MED16: variants seen among roughly 807,000 people sequenced by gnomAD.
MED16 encodes mediator of RNA polymerase II transcription subunit 16.
A neutral mutation model predicts 84.4 loss-of-function variants in MED16; 81 were observed. The observed-to-expected ratio is 0.96, with a 90% CI of 0.80 to 1.15. The LOEUF is 1.15. Among genes scored for constraint, MED16 ranks in the 50% most tolerant of loss-of-function variants. MED16 has a pLI of 0.00. For synonymous variants in MED16, 897 were observed against 552.2 expected, an observed-to-expected ratio of 1.62 and a Z score of -8.76; for missense variants, 1,585 against 1,245.9, an observed-to-expected ratio of 1.27 and a Z score of -4.10.
chr19:870,169 G>A (rs1289707201), intron 13 of MED16, among the ~76,000 whole-genome samples: 1 of 152,214 alleles, frequency 6.6e-6, no homozygotes, highest in Non-Finnish European at 1.5e-5. Context: ...CATCCACAGA[G>A]GGATCTACGG....
chr19:877,290 A>G, intron 8 of MED16, 110 bp from the exon 9 acceptor site: 1 of 1,030,526 alleles, frequency 9.7e-7, no homozygotes, highest in Non-Finnish European at 1.4e-6. Flanking sequence ...GTGTGCGCGC[A>G]CGCCCGTGTG....
At chr19:869,392 G>T (rs2035994096) in intron 13 of MED16, among the ~76,000 whole-genome samples, 1 of 151,656 alleles carries the variant, frequency 6.6e-6, no homozygotes, top group Admixed American at 6.6e-5. Context: ...ACAAGATTCT[G>T]GTGGCAAAAG....
chr19:871,379 T>G, intron 12 of MED16, 126 bp from the exon 13 acceptor site: 1 of 1,317,554 alleles, frequency 7.6e-7, no homozygotes, highest in Admixed American at 2.4e-5. Flanking sequence ...TCTGCCTGGC[T>G]GGGTGACCCC....
rs758121169 is a variant in MED16, at chr19:868,221, G to A, written c.2514C>T (p.Cys838=). 1.9e-4 allele frequency: 299 copies of A among 1,599,608 alleles called. 6 individuals are homozygous for A. The South Asian group carries it at 2.7e-3, about 14-fold the overall frequency. The change falls in exon 16 of 16, where the codon TGC becomes TGT. Residue 838 remains cysteine, a synonymous_variant. Coordinates refer to ENST00000325464, the MANE Select transcript of MED16 (RefSeq NM_005481.3). ...CTTCCTCAGAAGCTCTGCTGGTCAC[G>A]CAGGCGTCCGGCCCACGGCCTTCAA... ...LAVEGRGPDA[C]VTSRASEEAP...
Position 868,224 on chromosome 19 carries a change from G to A in MED16, c.2511C>T (p.Ala837=), listed in dbSNP as rs202171261. The part of the protein sequence containing the change: ...CLAVEGRGPD[A]CVTSRASEEA... ...CCTCAGAAGCTCTGCTGGTCACGCA[G>A]GCGTCCGGCCCACGGCCTTCAACAG... Residue 837 remains alanine (A), a synonymous_variant, in exon 16 of 16, where the codon GCC becomes GCT. Coordinates refer to ENST00000325464, the MANE Select transcript of MED16 (RefSeq NM_005481.3). 41 of 1,599,862 alleles carry A rather than the reference G, an allele frequency of 2.6e-5. No individual in the cohort carries two copies. The East Asian group carries it at 8.1e-4, about 32-fold the overall frequency.
intron 4 of MED16, 43 bp downstream of exon 4, chr19:889,595 A>G: frequency 6.4e-7 from 1 of 1,567,260 alleles, no homozygotes; most frequent in African/African-American, 1.3e-5. Flanking sequence ...GGGTAGGGTG[A>G]CATCTCATCT....
intron 5 of MED16, 48 bp downstream of exon 5, chr19:885,722 G>A (rs2036511669): frequency 1.9e-6 from 3 of 1,581,320 alleles, no homozygotes; most frequent in Non-Finnish European, 2.6e-6. Flanking sequence ...GAGAAGCAGT[G>A]CTTCATTCCA....
At chr19:875,217 A>AG in intron 10 of MED16, 27 bp downstream of exon 10, 7 of 1,464,786 alleles carry the variant, frequency 4.8e-6, no homozygotes, top group Non-Finnish European at 6.5e-6. Context: ...AGAAACCTCG[A>AG]GGCCCCGGGC....
intron 13 of MED16, among the ~76,000 whole-genome samples, chr19:869,459 C>T (rs2035995625): frequency 6.6e-6 from 1 of 152,168 alleles, no homozygotes; most frequent in Non-Finnish European, 1.5e-5. Flanking sequence ...CCGGCTTATT[C>T]TGCTCTCATT....
At chr19:891,233 A>C in intron 1 of MED16, 84 bp from the exon 2 acceptor site, 1 of 1,341,550 alleles carries the variant, frequency 7.5e-7, no homozygotes, top group South Asian at 1.4e-5. Context: ...TGGGAAAACA[A>C]TGGAGGCCCG....
rs1040012578 is a variant in MED16 at position 873,688 on chromosome 19, A to C, written c.1772-106T>G. ...CTGCACTGAGTGCCCACCCAGTACC[A>C]GGACACAAGGGGACCCACACCGGGA... On this transcript the variant is annotated intron_variant, in intron 10 of 15. Transcript: ENST00000325464. 11 of 1,314,148 alleles carry C rather than the reference A, an allele frequency of 8.4e-6. No homozygotes were observed. The Admixed American group carries it at 2.0e-4, about 24-fold the overall frequency. 81.4% of individuals were successfully genotyped at this position (1,314,148 alleles called of 1,614,324 possible). A position where few individuals can be genotyped will look rare whatever the true frequency, so the allele number is the denominator to read the frequency against.
chr19:877,168 G>A lies in MED16; in HGVS notation c.1366C>T (p.Arg456Cys), dbSNP rs763166625. Residue 456 changes from arginine (R) to cysteine (C), a missense_variant, in exon 9 of 16, where the codon CGC becomes TGC. By Grantham distance (180) the Arg-to-Cys change is radical. Transcript: ENST00000325464. ...IDSHGKLSVL[R>C]LSPSMGHPLE... is the part of the protein sequence containing the mutation. The stretch of plus-strand genomic sequence containing the variant: ...GGGTGGCCCATGGAAGGTGAGAGGC[G>A]GAGCACGCTCAGCTGCCAGAGACAG... 68 of 1,609,392 alleles carry A rather than the reference G, an allele frequency of 4.2e-5. No individual in the cohort carries two copies. The highest frequency in any genetic ancestry group is 6.7e-5 in the African/African-American group (5 of 74,904).
chr19:870,486 G>A (rs973238489), intron 13 of MED16, among the ~76,000 whole-genome samples: 1 of 151,376 alleles, frequency 6.6e-6, no homozygotes, highest in Non-Finnish European at 1.5e-5. Flanking sequence ...ATTTGAACCC[G>A]AGAGGCAGAC....
intron 6 of MED16, 112 bp from the exon 7 acceptor site, chr19:881,826 T>C: frequency 7.7e-7 from 1 of 1,294,870 alleles, no homozygotes; most frequent in South Asian, 1.3e-5. Flanking sequence ...CCTTCCCAGG[T>C]CTCATGCCGC....
intron 4 of MED16, among the ~76,000 whole-genome samples, chr19:886,584 C>T (rs2036531597): frequency 6.6e-6 from 1 of 152,226 alleles, no homozygotes; most frequent in South Asian, 2.1e-4. Context: ...CAGCTGGTGC[C>T]AATGAGCCAC....
intron 13 of MED16, among the ~76,000 whole-genome samples, chr19:870,802 G>C (rs2036030406): frequency 6.8e-6 from 1 of 147,166 alleles, no homozygotes; most frequent in Non-Finnish European, 1.5e-5. Context: ...ACCCGGGGCA[G>C]GACATGGAGG....
At position 868,415 on chromosome 19, in the gene MED16, C is replaced by G; in HGVS notation, c.2483+1G>C. The G allele has an allele frequency of 1.9e-6, 3 of 1,610,016 alleles. No individual in the cohort carries two copies. Among genetic ancestry groups the G allele is most frequent in the Non-Finnish European group, 2.5e-6 (3 of 1,179,848 alleles). On this transcript the variant is annotated splice_donor_variant, in intron 15 of 15. Coordinates refer to ENST00000325464, the MANE Select transcript of MED16 (RefSeq NM_005481.3). LOFTEE classifies it high-confidence loss of function. ...GCACCCGCCACCAGAGCCCACCGCA[C>G]AGGCAGTTCTTGATCCAGCGCTGCT...
At chr19:869,363 G>A (rs1490714450) in intron 13 of MED16, among the ~76,000 whole-genome samples, 1 of 151,722 alleles carries the variant, frequency 6.6e-6, no homozygotes, top group Non-Finnish European at 1.5e-5. Flanking sequence ...CGGCCTGGAG[G>A]TGCCGGGACC....
At chr19:879,169 C>T (rs2036348270) in intron 8 of MED16, among the ~76,000 whole-genome samples, 1 of 151,634 alleles carries the variant, frequency 6.6e-6, no homozygotes. Context: ...AGCAGCTCGC[C>T]TTCCCCTGGT....
Sources: allele counts gnomAD v4.1 joint callset (sites outside exome capture counted in the v4.1 genomes callset), GRCh38; gene constraint gnomAD v4.1.1; transcripts MANE v1.5; gene names NCBI Gene and HGNC (gene_info 2026-07-23, HGNC 2026-07-21).